COL8A2: variants seen among roughly 807,000 people sequenced by gnomAD.
The protein encoded by COL8A2 is collagen type VIII alpha 2 chain, also known as collagen alpha-2(VIII) chain.
In COL8A2, 16 loss-of-function variants were observed where a neutral mutation model predicts 24.0. That is an observed-to-expected ratio of 0.67 (90% CI 0.45 to 1.01). The LOEUF (loss-of-function observed/expected upper bound fraction) is 1.01. Among genes scored for constraint, COL8A2 ranks in the 50% least tolerant of loss-of-function variants. COL8A2 has a pLI of 0.00. For synonymous variants in COL8A2, 466 were observed against 424.5 expected (o/e 1.10, Z -1.20); for missense variants, 818 against 942.4 (o/e 0.87, Z 1.73).
In COL8A2 at chr1:36,105,966, A is replaced by AAGAGAG. The variant is rs1553178118; in HGVS notation, c.-16-5714_-16-5709dup. Among the ~76,000 whole-genome samples, 13 of 137,586 alleles carry AAGAGAG rather than the reference A, an allele frequency of 9.4e-5. 1 individual carries two copies. Among genetic ancestry groups the AAGAGAG allele is most frequent in the East Asian group, 9.1e-4 (4 of 4,408 alleles). The allele number at this position is 137,586 out of a possible 152,430, so 90.3% of individuals were successfully genotyped here. On this transcript the variant is annotated intron_variant, in intron 2 of 3. Transcript: ENST00000397799. ...TGTCTCACTTAAAAAAAAAAAAAAA[A>AAGAGAG]AGAGAGAGAGAGAGATAAGGAGGAG...
At chr1:36,109,756 GACGGGGTTTCTACTAA>G (rs1444714412) in intron 2 of COL8A2, among the ~76,000 whole-genome samples, 4 of 151,272 alleles carry the variant, frequency 2.6e-5, no homozygotes, top group African/African-American at 7.3e-5. Context: ...TTTTAGTAGA[GACGGGGTTTCTACTAA>G]ACGGGGTTTC....
In COL8A2 at chr1:36,103,570, G is replaced by A. The variant is rs556416259; in HGVS notation, c.-16-3312C>T. Among the ~76,000 whole-genome samples the A allele has an allele frequency of 2.7e-4, 41 of 151,878 alleles. 1 individual carries two copies. Among genetic ancestry groups the A allele is most frequent in the African/African-American group, 9.7e-4 (40 of 41,438 alleles). The stretch of plus-strand genomic sequence containing the variant: ...TTGCAGGCGTGAGGCCCACATCTGT[G>A]TTTTTGTTTTTTGTTTTCTTTTTTT... On this transcript the variant is annotated intron_variant, in intron 2 of 3. Transcript: ENST00000397799.
rs763030747 is a variant in COL8A2, at chr1:36,099,143, C to T, written c.538G>A (p.Val180Met). The T allele has an allele frequency of 4.0e-6, 6 of 1,503,400 alleles. No homozygotes were observed. In the East Asian group the frequency reaches 1.4e-4, roughly 35 times the overall value. 93.1% of individuals were successfully genotyped at this position (1,503,400 alleles called of 1,614,324 possible). The change falls in exon 4 of 4, where the codon GTG becomes ATG. Residue 180 changes from valine (V) to methionine (M), a missense_variant. By Grantham distance (21) the Val-to-Met change is conservative (BLOSUM62 1). Coordinates refer to ENST00000397799, the MANE Select transcript of COL8A2 (RefSeq NM_005202.4). The stretch of plus-strand genomic sequence containing the variant: ...CCCTGGAATCCTGGGGGCCCTGGCA[C>T]CCCTTGGGCACCTGGTTTTCCAGGG... ...TIPGKPGAQG[V>M]PGPPGFQGEP...
chr1:36,105,573 G>T (rs994997728), intron 2 of COL8A2, among the ~76,000 whole-genome samples: 1 of 152,214 alleles, frequency 6.6e-6, no homozygotes, highest in African/African-American at 2.4e-5. Context: ...AATGCTGCTG[G>T]GGTACCTTGC....
chr1:36,100,666 T>C (rs951001521), intron 2 of COL8A2, among the ~76,000 whole-genome samples: 1 of 152,164 alleles, frequency 6.6e-6, no homozygotes, highest in African/African-American at 2.4e-5. Context: ...GGCTGAGCTC[T>C]TTAGGGACAT....
intron 2 of COL8A2, among the ~76,000 whole-genome samples, chr1:36,114,351 C>T (rs1430330717): frequency 1.3e-5 from 2 of 148,366 alleles, no homozygotes; most frequent in East Asian, 2.0e-4. Context: ...GGTTCGTTGG[C>T]GGGGTTGCTG....
Position 36,123,032 on chromosome 1 carries a change from G to A in COL8A2, c.-62+2025C>T, listed in dbSNP as rs1018336715. The stretch of plus-strand genomic sequence containing the variant: ...TGCACCTGTCAAAATTATCATCTTC[G>A]AAAGCCCTGGCCAGATTACCTCTTA... On this transcript the variant is annotated intron_variant, in intron 1 of 3. Transcript: ENST00000397799. This position sits in a 1 kb window ranked among gnomAD's most constrained non-coding sequence, Gnocchi z 4.1. Among the ~76,000 whole-genome samples, 1 of 152,024 alleles carries A rather than the reference G, an allele frequency of 6.6e-6. No individual in the cohort carries two copies. Among genetic ancestry groups the A allele is most frequent in the Admixed American group, 6.6e-5 (1 of 15,262 alleles).
chr1:36,117,336 C>G (rs538518466), intron 1 of COL8A2, among the ~76,000 whole-genome samples: 1 of 152,316 alleles, frequency 6.6e-6, no homozygotes, highest in South Asian at 2.1e-4. Flanking sequence ...GCCCCAGCCC[C>G]GTCCCTGCAC....
At position 36,123,080 on chromosome 1, in the gene COL8A2, A is replaced by G. The variant is rs2124116565; in HGVS notation, c.-62+1977T>C. Among the ~76,000 whole-genome samples, 1 of 152,260 alleles carries G rather than the reference A, an allele frequency of 6.6e-6. No individual in the cohort carries two copies. The highest frequency in any genetic ancestry group is 2.1e-4 in the South Asian group (1 of 4,816). ...TTAGGTGCCACCTTCCCTGATCTGCACTTTGGCTTGCATGGTGCCCCTCCT... is the reference window on the plus strand; with the variant it reads ...TTAGGTGCCACCTTCCCTGATCTGCGCTTTGGCTTGCATGGTGCCCCTCCT... On this transcript the variant is annotated intron_variant, in intron 1 of 3. Coordinates refer to ENST00000397799, the MANE Select transcript of COL8A2 (RefSeq NM_005202.4). This position sits in a 1 kb window ranked among gnomAD's most constrained non-coding sequence, Gnocchi z 4.1.
In COL8A2 at chr1:36,095,842, T is replaced by C. The variant is rs545393346; in HGVS notation, c.*1727A>G. 1 of 152,210 alleles carries C rather than the reference T, an allele frequency of 6.6e-6. No homozygotes were observed. Among genetic ancestry groups the C allele is most frequent in the South Asian group, 2.1e-4 (1 of 4,818 alleles). 9.4% of individuals were successfully genotyped at this position (152,210 alleles called of 1,614,324 possible). A position where few individuals can be genotyped will look rare whatever the true frequency, so the allele number is the denominator to read the frequency against. On this transcript the variant is annotated 3_prime_UTR_variant, in exon 4 of 4. Transcript: ENST00000397799. Reference sequence around the variant, plus strand: ...TTAGTTGGTTTTCTTGGGCGTTAGGTAGTAAGAAATCCACCAGGAACCCCA... The same window carrying C: ...TTAGTTGGTTTTCTTGGGCGTTAGGCAGTAAGAAATCCACCAGGAACCCCA...
chr1:36,098,286 T>C lies in COL8A2; in HGVS notation c.1395A>G (p.Pro465=), dbSNP rs1264521250. The C allele has an allele frequency of 6.5e-7, 1 of 1,547,016 alleles. No homozygotes were observed. Among genetic ancestry groups the C allele is most frequent in the Non-Finnish European group, 8.7e-7 (1 of 1,145,970 alleles). The change falls in exon 4 of 4, where the codon CCA becomes CCG. Residue 465 remains proline, a synonymous_variant. Coordinates refer to ENST00000397799, the MANE Select transcript of COL8A2 (RefSeq NM_005202.4). The stretch of plus-strand genomic sequence containing the variant: ...TAGGGCCAGCTGGACCCTGGAGTCC[T>C]GGGATTCCTGAGGGACCCCTCAGGC... ...QPGLRGPSGI[P]GLQGPAGPIG...
intron 2 of COL8A2, among the ~76,000 whole-genome samples, chr1:36,111,686 G>A (rs59689830): frequency 0.052 from 7,902 of 152,130 alleles, 602 homozygotes; most frequent in East Asian, 0.28. Flanking sequence ...GAGCAGCTGG[G>A]ACTACAGGTG....
intron 2 of COL8A2, among the ~76,000 whole-genome samples, chr1:36,102,581 T>C (rs780377529): frequency 3.3e-5 from 5 of 151,668 alleles, no homozygotes; most frequent in Non-Finnish European, 5.9e-5. Context: ...ATTGCACAGC[T>C]CTATGAACAC....
Position 36,098,444 on chromosome 1 carries a change from G to T in COL8A2, c.1237C>A (p.Leu413Ile). The change falls in exon 4 of 4, where the codon CTT (leucine) becomes ATT (isoleucine). Residue 413 changes from leucine to isoleucine, a missense_variant. Transcript: ENST00000397799. Reference protein sequence around the residue: ...GKPGVPGERGLPGAHGPPGPT... With the variant: ...GKPGVPGERGIPGAHGPPGPT... ...CCAGGGGGTCCATGGGCCCCAGGAA[G>T]TCCCCTCTCACCTGGGACCCCTGGT... 3.1e-6 allele frequency: 5 copies of T among 1,587,654 alleles called. No individual in the cohort carries two copies. The highest frequency in any genetic ancestry group is 4.3e-6 in the Non-Finnish European group (5 of 1,167,604).
At chr1:36,106,421 C>CT (rs1355754285) in intron 2 of COL8A2, among the ~76,000 whole-genome samples, 3 of 152,146 alleles carry the variant, frequency 2.0e-5, no homozygotes, top group African/African-American at 7.2e-5. Context: ...GGGGAGGGCC[C>CT]TCCTGCACTG....
chr1:36,097,555 A>C lies in COL8A2; in HGVS notation c.*14T>G, dbSNP rs1643587935. ...AAGGGGAGGAGGCCAGGGCAGCAGG[A>C]CCCCCCCCGCGGGTTATGTGGGGCA... On this transcript the variant is annotated 3_prime_UTR_variant, in exon 4 of 4. Coordinates refer to ENST00000397799, the MANE Select transcript of COL8A2 (RefSeq NM_005202.4). The C allele has an allele frequency of 6.4e-7, 1 of 1,573,314 alleles. No individual in the cohort carries two copies. The highest frequency in any genetic ancestry group is 1.4e-5 in the African/African-American group (1 of 73,352).
rs1210270978 is a variant in COL8A2 at position 36,096,953 on chromosome 1, T to G, written c.*616A>C. 1 of 151,452 alleles carries G rather than the reference T, an allele frequency of 6.6e-6. No homozygotes were observed. Among genetic ancestry groups the G allele is most frequent in the Non-Finnish European group, 1.5e-5 (1 of 68,030 alleles). 9.4% of individuals were successfully genotyped at this position (151,452 alleles called of 1,614,324 possible). On this transcript the variant is annotated 3_prime_UTR_variant, in exon 4 of 4. Coordinates refer to ENST00000397799, the MANE Select transcript of COL8A2 (RefSeq NM_005202.4). ...TGCCACTGGAGCAGTGAAAGGGAGG[T>G]TGCCCTTTCCCAGGGCAACAGGCAC... is the stretch of plus-strand genomic sequence containing the variant.
At chr1:36,116,547 G>A (rs914004133) in intron 1 of COL8A2, among the ~76,000 whole-genome samples, 2 of 152,362 alleles carry the variant, frequency 1.3e-5, no homozygotes, top group South Asian at 2.1e-4. Context: ...AGGGCTGGGG[G>A]CATCAGACAA....
Position 36,097,479 on chromosome 1 carries a change from G to GTT in COL8A2, c.*88_*89dup. The GTT allele has an allele frequency of 7.2e-6, 8 of 1,111,074 alleles. No individual in the cohort carries two copies. Among genetic ancestry groups the GTT allele is most frequent in the Non-Finnish European group, 1.0e-5 (8 of 769,396 alleles). The allele number at this position is 1,111,074 out of a possible 1,614,324, so 68.8% of individuals were successfully genotyped here. On this transcript the variant is annotated 3_prime_UTR_variant, in exon 4 of 4. Coordinates refer to ENST00000397799, the MANE Select transcript of COL8A2 (RefSeq NM_005202.4). ...CCACGGCCGCCTCTGTTCAGCTTTT[G>GTT]TTTTTTTTTCCAGGAGGTTCTTTGT... is the stretch of plus-strand genomic sequence containing the variant.
Sources: gnomAD v4.1 joint callset for allele counts (sites outside exome capture counted in the v4.1 genomes callset) on GRCh38, gnomAD v4.1.1 for gene constraint, Gnocchi (gnomAD v3.1) non-coding constraint, MANE v1.5 for transcripts, NCBI Gene and HGNC (gene_info 2026-07-23, HGNC 2026-07-21) for gene names.